The following GALNT11 variants were observed in gnomAD, a reference collection of about 807,000 sequenced individuals.
GALNT11 encodes polypeptide N-acetylgalactosaminyltransferase 11.
Under a neutral mutation model 72.7 loss-of-function variants are expected in GALNT11, and 47 were observed. That is an observed-to-expected ratio of 0.65 (90% CI 0.51 to 0.82). The LOEUF is 0.82. Among genes scored for constraint, GALNT11 ranks in the 40% least tolerant of loss-of-function variants. GALNT11 has a pLI of 0.00. For synonymous variants in GALNT11, 270 were observed against 286.6 expected, an observed-to-expected ratio of 0.94 and a Z score of 0.58; for missense variants, 677 against 778.4, an observed-to-expected ratio of 0.87 and a Z score of 1.55.
At chr7:152,052,406 A>G (rs912238349) in intron 1 of GALNT11, among the ~76,000 whole-genome samples, 12 of 152,174 alleles carry the variant, frequency 7.9e-5, no homozygotes, top group African/African-American at 2.7e-4. Context: ...ATATTTGTAT[A>G]TATTTATACA....
intron 5 of GALNT11, 185 bp from the exon 6 acceptor site, chr7:152,107,852 TA>T (rs2087751785): frequency 3.3e-6 from 2 of 607,806 alleles, no homozygotes; most frequent in Non-Finnish European, 5.7e-6. Context: ...CACGCAGCAT[TA>T]CTGGCTGAGG....
In GALNT11 at chr7:152,122,257, T is replaced by G. The variant is rs1001162091; in HGVS notation, c.*580T>G. ...TTATGTTTAACTTCAGAAGGCATCATTTATAAGACAGTATGGCAGTTAATT... is the reference window on the plus strand; with the variant it reads ...TTATGTTTAACTTCAGAAGGCATCAGTTATAAGACAGTATGGCAGTTAATT... On this transcript the variant is annotated 3_prime_UTR_variant, in exon 12 of 12. Coordinates refer to ENST00000430044, the MANE Select transcript of GALNT11 (RefSeq NM_022087.4). 6.6e-6 allele frequency: 1 copy of G among 152,230 alleles called. No individual in the cohort carries two copies. Among genetic ancestry groups the G allele is most frequent in the African/African-American group, 2.4e-5 (1 of 41,466 alleles). 9.4% of individuals were successfully genotyped at this position (152,230 alleles called of 1,614,324 possible).
At chr7:152,055,824 T>G (rs1227222571) in intron 1 of GALNT11, among the ~76,000 whole-genome samples, 1 of 152,098 alleles carries the variant, frequency 6.6e-6, no homozygotes, top group Non-Finnish European at 1.5e-5. Flanking sequence ...TAAAACATTT[T>G]GTTTTGTGAT....
At chr7:152,085,895 GT>G (rs397744068) in intron 1 of GALNT11, among the ~76,000 whole-genome samples, 53 of 139,790 alleles carry the variant, frequency 3.8e-4, no homozygotes, top group African/African-American at 7.0e-4. Context: ...TTTGTTTTTT[GT>G]TTTTTTTTTT....
intron 7 of GALNT11, among the ~76,000 whole-genome samples, chr7:152,111,207 TG>T (rs2088154729): frequency 6.6e-6 from 1 of 151,756 alleles, no homozygotes; most frequent in African/African-American, 2.4e-5. Context: ...TGGAGTAGAG[TG>T]GGATGAATAC....
At chr7:152,058,862 A>G (rs565363622) in intron 1 of GALNT11, among the ~76,000 whole-genome samples, 13 of 152,156 alleles carry the variant, frequency 8.5e-5, no homozygotes, top group Non-Finnish European at 1.6e-4. Flanking sequence ...GAGCGATTCC[A>G]TTTCAAGAAA....
chr7:152,086,614 C>T (rs1416686732), intron 1 of GALNT11, among the ~76,000 whole-genome samples: 4 of 152,124 alleles, frequency 2.6e-5, no homozygotes, highest in Admixed American at 2.6e-4. Flanking sequence ...GTGGTTATTC[C>T]ATGGAGAATC....
At chr7:152,100,962 C>G (rs763723817) in intron 3 of GALNT11, 41 bp downstream of exon 3, 11 of 1,606,682 alleles carry the variant, frequency 6.8e-6, no homozygotes, top group Admixed American at 1.7e-5. Context: ...TTTAACAACA[C>G]GATGCTTTTA....
At chr7:152,096,931 G>A (rs2086425620) in intron 2 of GALNT11, among the ~76,000 whole-genome samples, 1 of 152,104 alleles carries the variant, frequency 6.6e-6, no homozygotes, top group Admixed American at 6.6e-5. Context: ...TGGCTCGTTT[G>A]ATCCTCCTGC....
At chr7:152,047,709 T>TGTGTGC (rs528749652) in intron 1 of GALNT11, among the ~76,000 whole-genome samples, 62 of 151,310 alleles carry the variant, frequency 4.1e-4, no homozygotes, top group African/African-American at 1.5e-3. Context: ...TGTGTGTGTG[T>TGTGTGC]GCGCACACAC....
At chr7:152,092,772 C>G (rs1363887459) in intron 1 of GALNT11, among the ~76,000 whole-genome samples, 1 of 152,178 alleles carries the variant, frequency 6.6e-6, no homozygotes, top group Non-Finnish European at 1.5e-5. Context: ...AAATAAGTAA[C>G]TTAAAAGCAG....
At chr7:152,030,269 G>A (rs191897297) in intron 1 of GALNT11, among the ~76,000 whole-genome samples, 30 of 152,230 alleles carry the variant, frequency 2.0e-4, no homozygotes, top group Admixed American at 1.9e-3. Flanking sequence ...ACGGGACGCT[G>A]GTGTTACCAC....
intron 6 of GALNT11, 88 bp downstream of exon 6, chr7:152,108,375 G>A (rs1393520669): frequency 6.6e-7 from 1 of 1,509,324 alleles, no homozygotes; most frequent in East Asian, 2.3e-5. Flanking sequence ...CTCCTTCTTT[G>A]TAAGGAGCAA....
chr7:152,067,783 G>C (rs1264496095), intron 1 of GALNT11, among the ~76,000 whole-genome samples: 2 of 152,138 alleles, frequency 1.3e-5, no homozygotes, highest in Admixed American at 6.5e-5. Context: ...ACCAGAGACT[G>C]GGTAATTCAT....
intron 11 of GALNT11, 77 bp downstream of exon 11, chr7:152,121,045 C>G: frequency 6.6e-7 from 1 of 1,523,624 alleles, no homozygotes; most frequent in Non-Finnish European, 8.8e-7. Context: ...CAGATGAACT[C>G]ATTTTCTACC....
chr7:152,118,364 T>TA (rs1282602348), intron 9 of GALNT11: 1 of 281,388 alleles, frequency 3.6e-6, no homozygotes, highest in African/African-American at 2.3e-5. Context: ...TTGAAGGTTC[T>TA]TTAGGGCAGG....
intron 2 of GALNT11, among the ~76,000 whole-genome samples, chr7:152,099,857 T>G (rs562050595): frequency 1.4e-5 from 2 of 148,066 alleles, no homozygotes; most frequent in Non-Finnish European, 3.0e-5. Context: ...CTTGATGTCC[T>G]GGGCTCAAGC....
At chr7:152,049,705 C>A (rs2083300660) in intron 1 of GALNT11, among the ~76,000 whole-genome samples, 1 of 152,222 alleles carries the variant, frequency 6.6e-6, no homozygotes, top group Admixed American at 6.5e-5. Context: ...TATGTCCTTT[C>A]CTTCAGGATG....
At chr7:152,096,621 A>G (rs2086396170) in intron 2 of GALNT11, among the ~76,000 whole-genome samples, 2 of 151,878 alleles carry the variant, frequency 1.3e-5, no homozygotes, top group Non-Finnish European at 2.9e-5. Flanking sequence ...AGGTTGAGGC[A>G]AGAGAATTGC....
Sources: allele counts gnomAD v4.1 joint callset (sites outside exome capture counted in the v4.1 genomes callset), GRCh38; gene constraint gnomAD v4.1.1; transcripts MANE v1.5; gene names NCBI Gene and HGNC (gene_info 2026-07-23, HGNC 2026-07-21).